KHDRBS2: variants seen among roughly 807,000 people sequenced by gnomAD.
The protein encoded by KHDRBS2 is KH domain-containing, RNA-binding, signal transduction-associated protein 2.
A neutral mutation model predicts 44.3 loss-of-function variants in KHDRBS2; 26 were observed. The ratio of observed to expected loss-of-function variants is 0.59; its 90% CI spans 0.43 to 0.81. The LOEUF (loss-of-function observed/expected upper bound fraction) is 0.81, where lower values mean the gene tolerates loss of function less well. Ranked by LOEUF, KHDRBS2 falls within the 40% of genes least tolerant of loss-of-function variation. KHDRBS2 has a pLI of 0.00. For missense variants in KHDRBS2, 476 were observed against 433.1 expected (o/e 1.10, Z -0.88); for synonymous variants, 194 against 151.1 (o/e 1.28, Z -2.08).
chr6:61,961,390 GA>G (rs1448452489), intron 4 of KHDRBS2, among the ~76,000 whole-genome samples: 1 of 146,370 alleles, frequency 6.8e-6, no homozygotes, highest in South Asian at 2.1e-4. Flanking sequence ...AGGGAAGAAA[GA>G]AAAAGAAAGA....
chr6:62,241,092 T>C lies in KHDRBS2; in HGVS notation c.91+44766A>G, dbSNP rs752757645. Among the ~76,000 whole-genome samples, 22 of 152,142 alleles carry C rather than the reference T, an allele frequency of 1.4e-4. 1 individual carries two copies. The highest frequency in any genetic ancestry group is 2.8e-4 in the Non-Finnish European group (19 of 68,018). Reference sequence around the variant, plus strand: ...AGTATGGAAAGAATAAAGTAAAACATATTTTGAAAAATGTATAAAATTATA... The same window carrying C: ...AGTATGGAAAGAATAAAGTAAAACACATTTTGAAAAATGTATAAAATTATA... On this transcript the variant is annotated intron_variant, in intron 1 of 8. Coordinates refer to ENST00000281156, the MANE Select transcript of KHDRBS2 (RefSeq NM_152688.4).
intron 2 of KHDRBS2, among the ~76,000 whole-genome samples, chr6:62,157,776 G>T (rs568466772): frequency 6.6e-6 from 1 of 152,182 alleles, no homozygotes; most frequent in East Asian, 1.9e-4. Context: ...AGCATAAAGA[G>T]AAATAATGTT....
At chr6:62,002,775 G>C (rs1045485070) in intron 3 of KHDRBS2, among the ~76,000 whole-genome samples, 8 of 151,224 alleles carry the variant, frequency 5.3e-5, no homozygotes, top group Non-Finnish European at 1.0e-4. Flanking sequence ...ATAACACAAA[G>C]ATAAAATATA....
intron 3 of KHDRBS2, among the ~76,000 whole-genome samples, chr6:61,996,088 G>C (rs1385755802): frequency 6.6e-6 from 1 of 152,128 alleles, no homozygotes; most frequent in African/African-American, 2.4e-5. Context: ...CTCATGACTG[G>C]CTATGTGAAC....
intron 6 of KHDRBS2, among the ~76,000 whole-genome samples, chr6:61,847,654 TA>T (rs141756975): frequency 0.16 from 23,961 of 152,096 alleles, 2,503 homozygotes; most frequent in South Asian, 0.27. Context: ...TCTGTCTTTG[TA>T]ATCTCCTAGT....
chr6:62,072,642 T>G (rs1464483347), intron 2 of KHDRBS2, among the ~76,000 whole-genome samples: 6 of 152,176 alleles, frequency 3.9e-5, no homozygotes, highest in African/African-American at 4.8e-5. Context: ...CTGGATTACA[T>G]TTATTGATTT....
intron 8 of KHDRBS2, among the ~76,000 whole-genome samples, chr6:61,694,468 T>A (rs1767689776): frequency 6.6e-6 from 1 of 152,172 alleles, no homozygotes; most frequent in Non-Finnish European, 1.5e-5. Context: ...TTCAATGAAT[T>A]AAAGAAAGGC....
chr6:61,584,093 G>A, the KHDRBS2 span, among the ~76,000 whole-genome samples: 4 of 151,528 alleles, frequency 2.6e-5, no homozygotes, highest in Non-Finnish European at 5.9e-5. Flanking sequence ...ATTAGCTTTA[G>A]TACTTTTCTC....
chr6:61,904,773 G>T (rs751885046), intron 4 of KHDRBS2, among the ~76,000 whole-genome samples: 1 of 152,122 alleles, frequency 6.6e-6, no homozygotes, highest in Non-Finnish European at 1.5e-5. Flanking sequence ...ACATTGTAGG[G>T]TGAGGGGTCT....
At chr6:62,278,536 G>A (rs1469187939) in intron 1 of KHDRBS2, among the ~76,000 whole-genome samples, 1 of 152,050 alleles carries the variant, frequency 6.6e-6, no homozygotes, top group African/African-American at 2.4e-5. Context: ...ACTAGTCAAT[G>A]AAATATTAAT....
At chr6:61,557,316 A>T in the KHDRBS2 span, among the ~76,000 whole-genome samples, 2 of 152,284 alleles carry the variant, frequency 1.3e-5, no homozygotes, top group Non-Finnish European at 2.9e-5. Context: ...TTCCCATCCA[A>T]TTTTTCTAGT....
chr6:62,032,518 CCATATATATT>C (rs1158078405), intron 3 of KHDRBS2, among the ~76,000 whole-genome samples: 74 of 149,876 alleles, frequency 4.9e-4, no homozygotes, highest in African/African-American at 1.8e-3. Flanking sequence ...TAATAAACTC[CCATATATATT>C]CATATATATA....
the KHDRBS2 span, among the ~76,000 whole-genome samples, chr6:61,547,769 C>T: frequency 2.6e-5 from 4 of 152,108 alleles, no homozygotes; most frequent in African/African-American, 4.8e-5. Flanking sequence ...AGGGTGAGAT[C>T]GGCTGCCTTA....
the KHDRBS2 span, among the ~76,000 whole-genome samples, chr6:61,638,761 C>T: frequency 1.6e-4 from 25 of 152,094 alleles, no homozygotes; most frequent in Non-Finnish European, 2.9e-4. Context: ...AGCTGAGAAG[C>T]AGAAAAATAT....
Position 62,154,620 on chromosome 6 carries a change from A to C in KHDRBS2, c.219+22565T>G, listed in dbSNP as rs189691029. 2.1e-3 allele frequency among the ~76,000 whole-genome samples: 316 copies of C among 152,288 alleles called. 1 individual carries two copies. The highest frequency in any genetic ancestry group is 7.1e-3 in the African/African-American group (297 of 41,552). On this transcript the variant is annotated intron_variant, in intron 2 of 8. Coordinates refer to ENST00000281156, the MANE Select transcript of KHDRBS2 (RefSeq NM_152688.4). ...TATTCATCTTAGAGTTGAGACATAA[A>C]GGAAAAAATAAAAAAGGGAATGAAT...
chr6:61,681,375 C>T (rs1766275505), intron 8 of KHDRBS2, among the ~76,000 whole-genome samples: 1 of 151,756 alleles, frequency 6.6e-6, no homozygotes, highest in Non-Finnish European at 1.5e-5. Context: ...ACCAGTAGTC[C>T]TTAGCCCTTG....
chr6:61,772,151 A>G (rs1231297496), intron 6 of KHDRBS2, among the ~76,000 whole-genome samples: 1 of 151,922 alleles, frequency 6.6e-6, no homozygotes, highest in Non-Finnish European at 1.5e-5. Flanking sequence ...CATTGAACAC[A>G]TTGAACACAT....
chr6:61,732,743 C>T lies in KHDRBS2; in HGVS notation c.832G>A (p.Gly278Ser). 1 of 1,608,566 alleles carries T rather than the reference C, an allele frequency of 6.2e-7. No homozygotes were observed. Among genetic ancestry groups the T allele is most frequent in the Non-Finnish European group, 8.5e-7 (1 of 1,175,188 alleles). ...TCATAGGTCTGGTCATCATATTCAC[C>T]CCCGTAGCCATCATCATAACCCTGA... ...EEYGYDDGYG[G>S]EYDDQTYETY... The change falls in exon 7 of 9, where the codon GGT becomes AGT. Residue 278 changes from glycine to serine, a missense_variant. Physicochemically the swap from Gly to Ser is moderately conservative, Grantham distance 56. Transcript: ENST00000281156.
chr6:62,012,243 CAGTA>C (rs1484581253), intron 3 of KHDRBS2, among the ~76,000 whole-genome samples: 1 of 152,178 alleles, frequency 6.6e-6, no homozygotes, highest in Non-Finnish European at 1.5e-5. Flanking sequence ...CCTCAGCTAT[CAGTA>C]AGTCCTGCAG....
Sources: allele counts gnomAD v4.1 joint callset (sites outside exome capture counted in the v4.1 genomes callset), GRCh38; gene constraint gnomAD v4.1.1; transcripts MANE v1.5; gene names NCBI Gene and HGNC (gene_info 2026-07-23, HGNC 2026-07-21).